The following STIM2 variants were observed in gnomAD, a reference collection of about 807,000 sequenced individuals.
The protein encoded by STIM2 is stromal interaction molecule 2.
In STIM2, 31 loss-of-function variants were observed where a neutral mutation model predicts 85.8. The observed-to-expected ratio is 0.36, with a 90% confidence interval of 0.27 to 0.49. STIM2 has a LOEUF of 0.49. STIM2 is among the 20% of genes least tolerant of loss of function. STIM2 has a pLI of 0.98. For missense variants in STIM2, 841 were observed against 927.6 expected, an observed-to-expected ratio of 0.91 and a Z score of 1.21; for synonymous variants, 356 against 331.1, an observed-to-expected ratio of 1.08 and a Z score of -0.82.
At chr4:26,872,390 A>G (rs1411876297) in intron 1 of STIM2, among the ~76,000 whole-genome samples, 1 of 152,198 alleles carries the variant, frequency 6.6e-6, no homozygotes, top group Non-Finnish European at 1.5e-5. Flanking sequence ...AGCATTTTGC[A>G]GTTGAAATGT....
chr4:26,906,458 TG>T (rs1476721820), intron 1 of STIM2, among the ~76,000 whole-genome samples: 35 of 149,168 alleles, frequency 2.3e-4, no homozygotes, highest in African/African-American at 8.4e-4. Flanking sequence ...TTTTTTTTTT[TG>T]AAAAGCTATT....
chr4:26,997,778 T>TA (rs758273672), intron 4 of STIM2, among the ~76,000 whole-genome samples: 1 of 152,188 alleles, frequency 6.6e-6, no homozygotes, highest in African/African-American at 2.4e-5. Flanking sequence ...AGTGTCATGT[T>TA]AAAGGTGTAA....
chr4:26,998,708 C>T (rs1472415087), intron 4 of STIM2, among the ~76,000 whole-genome samples: 5 of 151,632 alleles, frequency 3.3e-5, no homozygotes, highest in African/African-American at 7.3e-5. Flanking sequence ...GTCAGGAGAT[C>T]GAGACCATCC....
At chr4:27,020,084 C>T (rs1179971546) in intron 11 of STIM2, among the ~76,000 whole-genome samples, 1 of 152,186 alleles carries the variant, frequency 6.6e-6, no homozygotes, top group Non-Finnish European at 1.5e-5. Flanking sequence ...GAGGCTTTTA[C>T]AACTGATTAA....
At chr4:26,913,586 C>G (rs539322766) in intron 1 of STIM2, among the ~76,000 whole-genome samples, 1 of 152,274 alleles carries the variant, frequency 6.6e-6, no homozygotes, top group East Asian at 1.9e-4. Context: ...CTACTAACTA[C>G]TTAGGTTTAA....
intron 1 of STIM2, among the ~76,000 whole-genome samples, chr4:26,866,453 G>C (rs1178401230): frequency 6.6e-6 from 1 of 152,172 alleles, no homozygotes; most frequent in East Asian, 1.9e-4. Context: ...GGCTGTTAGA[G>C]AGTATTACCT....
intron 3 of STIM2, among the ~76,000 whole-genome samples, chr4:26,966,319 A>G (rs1726715353): frequency 6.6e-6 from 1 of 152,134 alleles, no homozygotes; most frequent in Admixed American, 6.5e-5. Flanking sequence ...AGAGGTGGGA[A>G]GGAGTGACTC....
At chr4:26,884,151 G>T (rs11737218) in intron 1 of STIM2, among the ~76,000 whole-genome samples, 44,480 of 152,040 alleles carry the variant, frequency 0.29, 6,836 homozygotes, top group East Asian at 0.42. Context: ...GCAATCATCT[G>T]TATAACGAAC....
At chr4:26,923,350 C>G (rs1316563521) in intron 2 of STIM2, among the ~76,000 whole-genome samples, 1 of 152,040 alleles carries the variant, frequency 6.6e-6, no homozygotes, top group Non-Finnish European at 1.5e-5. Context: ...CAGTTCCTCA[C>G]CAGCAACAGA....
At chr4:26,879,878 C>T (rs910849305) in intron 1 of STIM2, among the ~76,000 whole-genome samples, 40 of 152,182 alleles carry the variant, frequency 2.6e-4, no homozygotes, top group African/African-American at 9.4e-4. Flanking sequence ...GTTCTAGCCA[C>T]CACATTATGT....
intron 3 of STIM2, among the ~76,000 whole-genome samples, chr4:26,974,954 C>T (rs1727125203): frequency 2.0e-5 from 3 of 152,110 alleles, no homozygotes; most frequent in Non-Finnish European, 4.4e-5. Context: ...TCTTTTTTCT[C>T]TGACCTTGTC....
intron 1 of STIM2, among the ~76,000 whole-genome samples, chr4:26,887,868 A>G (rs1311850658): frequency 6.6e-6 from 1 of 152,202 alleles, no homozygotes; most frequent in Non-Finnish European, 1.5e-5. Context: ...AAACATAGAG[A>G]CTTATTTCAA....
intron 1 of STIM2, among the ~76,000 whole-genome samples, chr4:26,904,574 G>A (rs903315695): frequency 6.6e-6 from 1 of 152,162 alleles, no homozygotes; most frequent in Admixed American, 6.6e-5. Flanking sequence ...TAATGTTGAG[G>A]TTATAGGTGA....
At chr4:26,972,306 CTTGT>C (rs1726986087) in intron 3 of STIM2, among the ~76,000 whole-genome samples, 1 of 152,126 alleles carries the variant, frequency 6.6e-6, no homozygotes, top group Non-Finnish European at 1.5e-5. Context: ...AGAGGGCGTC[CTTGT>C]CTTGTGCTGG....
intron 2 of STIM2, among the ~76,000 whole-genome samples, chr4:26,939,745 A>C (rs1489388021): frequency 6.6e-6 from 1 of 152,124 alleles, no homozygotes; most frequent in Non-Finnish European, 1.5e-5. Context: ...CTTGGCAAAC[A>C]GGTCTAAGGG....
chr4:27,016,989 C>G (rs1441467194), intron 10 of STIM2, among the ~76,000 whole-genome samples: 2 of 152,146 alleles, frequency 1.3e-5, no homozygotes, highest in African/African-American at 4.8e-5. Context: ...AGCATCTGAA[C>G]CATGCAGGAG....
intron 1 of STIM2, 53 bp from the exon 2 acceptor site, chr4:26,919,451 A>C: frequency 6.2e-7 from 1 of 1,607,554 alleles, no homozygotes; most frequent in Non-Finnish European, 8.5e-7. Flanking sequence ...CTCTCTAACT[A>C]TAGCCTTTGT....
Position 26,979,301 on chromosome 4 carries a change from C to T in STIM2, c.398-16078C>T, listed in dbSNP as rs776757025. Reference sequence around the variant, plus strand: ...AATTTGAGGCAGCAAAAAGTAGGCGCTGTCTGTGCTGAGTTAGTTTGAAAA... The same window carrying T: ...AATTTGAGGCAGCAAAAAGTAGGCGTTGTCTGTGCTGAGTTAGTTTGAAAA... On this transcript the variant is annotated intron_variant, in intron 3 of 11. Transcript: ENST00000467087. Among the ~76,000 whole-genome samples, 73 of 152,288 alleles carry T rather than the reference C, an allele frequency of 4.8e-4. No homozygotes were observed. The Middle Eastern group carries it at 0.01, about 21-fold the overall frequency.
At chr4:26,947,012 A>G (rs1215278692) in intron 2 of STIM2, among the ~76,000 whole-genome samples, 1 of 152,214 alleles carries the variant, frequency 6.6e-6, no homozygotes, top group Non-Finnish European at 1.5e-5. Flanking sequence ...TAGGAGTTTA[A>G]TATTTGAAAA....
Sources: allele counts gnomAD v4.1 joint callset (sites outside exome capture counted in the v4.1 genomes callset), GRCh38; gene constraint gnomAD v4.1.1; transcripts MANE v1.5; gene names NCBI Gene and HGNC (gene_info 2026-07-23, HGNC 2026-07-21).